ESRRG: variants seen among roughly 807,000 people sequenced by gnomAD.
ESRRG encodes the protein estrogen-related receptor gamma.
In ESRRG, 13 loss-of-function variants were observed where a neutral mutation model predicts 44.0. The ratio of observed to expected loss-of-function variants is 0.30; its 90% CI spans 0.19 to 0.47. The LOEUF is 0.47. ESRRG is among the 20% of genes least tolerant of loss of function. ESRRG has a pLI of 1.00. For synonymous variants in ESRRG, 215 were observed against 214.6 expected, an observed-to-expected ratio of 1.00 and a Z score of -0.02; for missense variants, 395 against 580.6, an observed-to-expected ratio of 0.68 and a Z score of 3.29.
In ESRRG at chr1:216,775,629, G is replaced by A. The variant is rs560749642; in HGVS notation, c.-13-98138C>T. On this transcript the variant is annotated intron_variant, in intron 2 of 7. Coordinates refer to the ESRRG transcript ENST00000359162. ...CACGCTGTCGCACAGGCTGGTCATC[G>A]CAGCCTTGACTTTCCAGACTCAGGT... is the stretch of plus-strand genomic sequence containing the variant. Among the ~76,000 whole-genome samples the A allele has an allele frequency of 9.2e-4, 118 of 128,514 alleles. 1 individual carries two copies. Among genetic ancestry groups the A allele is most frequent in the Middle Eastern group, 5.3e-3 (1 of 188 alleles). The allele number at this position is 128,514 out of a possible 152,430, so 84.3% of individuals were successfully genotyped here.
intron 2 of ESRRG, among the ~76,000 whole-genome samples, chr1:216,931,208 CCT>C (rs2063295530): frequency 6.6e-6 from 1 of 152,148 alleles, no homozygotes. Context: ...ATATGAGGAT[CCT>C]TGTCCCTTGT....
At chr1:216,540,956 G>A (rs190036999) in intron 5 of ESRRG, among the ~76,000 whole-genome samples, 243 of 151,976 alleles carry the variant, frequency 1.6e-3, no homozygotes, top group Middle Eastern at 3.4e-3. Flanking sequence ...TTTATAACCC[G>A]GGAAGATGAC....
At chr1:216,891,087 G>T (rs559770143) in intron 2 of ESRRG, among the ~76,000 whole-genome samples, 25 of 152,246 alleles carry the variant, frequency 1.6e-4, no homozygotes, top group African/African-American at 6.0e-4. Flanking sequence ...AAGGTTTCCT[G>T]GCCGGAAACT....
At position 216,504,248 on chromosome 1, in the gene ESRRG, C is replaced by A. The variant is rs2040837294; in HGVS notation, c.*2691G>T. The A allele has an allele frequency of 6.6e-6, 1 of 152,004 alleles. No individual in the cohort carries two copies. Among genetic ancestry groups the A allele is most frequent in the African/African-American group, 2.4e-5 (1 of 41,388 alleles). The allele number at this position is 152,004 out of a possible 1,614,324, so 9.4% of individuals were successfully genotyped here. A position where few individuals can be genotyped will look rare whatever the true frequency, so the allele number is the denominator to read the frequency against. The stretch of plus-strand genomic sequence containing the variant: ...TAGTTGAATAGTAGCAACTTAAACC[C>A]TGCACAAACTTTCTGGAAAATAATC... On this transcript the variant is annotated 3_prime_UTR_variant, in exon 7 of 7. Coordinates refer to ENST00000408911, the MANE Select transcript of ESRRG (RefSeq NM_001438.4).
At chr1:216,732,740 G>A (rs2089093815) in intron 2 of ESRRG, among the ~76,000 whole-genome samples, 1 of 150,354 alleles carries the variant, frequency 6.7e-6, no homozygotes, top group Non-Finnish European at 1.5e-5. Context: ...GCAGTTCAAG[G>A]CATCAGTGAT....
chr1:216,548,594 A>G lies in ESRRG; in HGVS notation c.862+15625T>C, dbSNP rs182084814. Among the ~76,000 whole-genome samples the G allele has an allele frequency of 2.6e-5, 4 of 152,142 alleles. No homozygotes were observed. In the East Asian group the frequency reaches 7.8e-4, roughly 30 times the overall value. The stretch of plus-strand genomic sequence containing the variant: ...CTTCCCATACATTTATCTTTACTGG[A>G]TTACTCTACATTGTGCAAATCCAGC... On this transcript the variant is annotated intron_variant, in intron 5 of 6. Transcript: ENST00000408911.
intron 5 of ESRRG, among the ~76,000 whole-genome samples, chr1:216,542,801 A>G (rs576304747): frequency 6.6e-6 from 1 of 151,972 alleles, no homozygotes; most frequent in African/African-American, 2.4e-5. Flanking sequence ...CACACTTTGC[A>G]TGGACAATAG....
intron 2 of ESRRG, among the ~76,000 whole-genome samples, chr1:216,790,474 C>G (rs1323614917): frequency 6.6e-6 from 1 of 152,040 alleles, no homozygotes; most frequent in Non-Finnish European, 1.5e-5. Context: ...AAGGAAAGAA[C>G]AATTCCTTCT....
intron 4 of ESRRG, among the ~76,000 whole-genome samples, chr1:216,565,498 CT>C (rs2059532515): frequency 6.6e-6 from 1 of 152,096 alleles, no homozygotes; most frequent in Non-Finnish European, 1.5e-5. Flanking sequence ...AAGTTTTTAA[CT>C]TTTTTAACCC....
At chr1:216,804,257 C>T (rs2094714821) in intron 2 of ESRRG, among the ~76,000 whole-genome samples, 1 of 152,130 alleles carries the variant, frequency 6.6e-6, no homozygotes, top group Non-Finnish European at 1.5e-5. Context: ...AAAAGCCTAA[C>T]AACCCCGGGC....
chr1:217,030,961 C>G lies in ESRRG; in HGVS notation c.-106+58546G>C, dbSNP rs1000207119. ...AATTAAAGTTACCTGTTTATTTTTA[C>G]TTTTTAAAATGAAGCTGCTGGAAAA... On this transcript the variant is annotated intron_variant, in intron 1 of 7. Coordinates refer to the ESRRG transcript ENST00000359162. Among the ~76,000 whole-genome samples, 4 of 152,144 alleles carry G rather than the reference C, an allele frequency of 2.6e-5. No individual in the cohort carries two copies. In the South Asian group the frequency reaches 8.3e-4, roughly 31 times the overall value.
intron 2 of ESRRG, among the ~76,000 whole-genome samples, chr1:216,782,912 T>C (rs1360566517): frequency 6.6e-6 from 1 of 152,062 alleles, no homozygotes; most frequent in East Asian, 1.9e-4. Flanking sequence ...ATTCAATCTT[T>C]TGAATCAATG....
intron 2 of ESRRG, among the ~76,000 whole-genome samples, chr1:216,870,444 T>G (rs1323882471): frequency 6.6e-6 from 1 of 151,998 alleles, no homozygotes; most frequent in Non-Finnish European, 1.5e-5. Context: ...TGTATTTCTC[T>G]CTCTCGTCTG....
At chr1:217,076,868 G>A (rs1447122692) in intron 1 of ESRRG, 1 of 152,058 alleles carries the variant, frequency 6.6e-6, no homozygotes, top group Non-Finnish European at 1.5e-5. Flanking sequence ...AAATCCACAA[G>A]TCACCACACT....
chr1:216,988,460 C>T, intron 1 of ESRRG, among the ~76,000 whole-genome samples: 1 of 152,196 alleles, frequency 6.6e-6, no homozygotes, highest in East Asian at 1.9e-4. Flanking sequence ...AGCAGCAAAA[C>T]TCACTGCCTC....
intron 5 of ESRRG, among the ~76,000 whole-genome samples, chr1:216,520,285 C>G (rs1317967831): frequency 6.6e-6 from 1 of 152,046 alleles, no homozygotes; most frequent in Non-Finnish European, 1.5e-5. Flanking sequence ...AAAATATCAC[C>G]TACCTAAACA....
At chr1:216,961,214 G>A (rs577235606) in intron 1 of ESRRG, among the ~76,000 whole-genome samples, 8 of 152,122 alleles carry the variant, frequency 5.3e-5, no homozygotes, top group Non-Finnish European at 8.8e-5. Flanking sequence ...CTGATTAAAC[G>A]TTAAAGAAAC....
intron 2 of ESRRG, among the ~76,000 whole-genome samples, chr1:216,888,269 T>G (rs2057309625): frequency 6.6e-6 from 1 of 152,232 alleles, no homozygotes; most frequent in Non-Finnish European, 1.5e-5. Context: ...TAAAATCCAA[T>G]TCTGGGCTTC....
chr1:216,718,468 A>C (rs2085396692), intron 1 of ESRRG, among the ~76,000 whole-genome samples: 2 of 151,972 alleles, frequency 1.3e-5, no homozygotes, highest in Non-Finnish European at 2.9e-5. Context: ...TATCAAAAAA[A>C]TCAATGACAA....
Sources: allele counts gnomAD v4.1 joint callset (sites outside exome capture counted in the v4.1 genomes callset), GRCh38; gene constraint gnomAD v4.1.1; transcripts MANE v1.5; gene names NCBI Gene and HGNC (gene_info 2026-07-23, HGNC 2026-07-21).